The following DNAJB6 variants were observed in gnomAD, a reference collection of about 807,000 sequenced individuals.
The protein encoded by DNAJB6 is DnaJ heat shock protein family (Hsp40) member B6, also known as dnaJ homolog subfamily B member 6.
Under a neutral mutation model 42.7 loss-of-function variants are expected in DNAJB6, and 16 were observed. The observed-to-expected ratio is 0.37, with a 90% CI of 0.25 to 0.57. The LOEUF is 0.57. Ranked by LOEUF, DNAJB6 falls within the 20% of genes least tolerant of loss-of-function variation. DNAJB6 has a pLI of 0.74. For synonymous variants in DNAJB6, 170 were observed against 163.5 expected (o/e 1.04, Z -0.30); for missense variants, 347 against 416.8 (o/e 0.83, Z 1.46).
intron 9 of DNAJB6, chr7:157,411,906 G>A (rs984262113): frequency 1.3e-5 from 2 of 152,236 alleles, no homozygotes; most frequent in Non-Finnish European, 2.9e-5. Flanking sequence ...TCTGAGTGGG[G>A]AGAACTGGTT....
chr7:157,402,569 C>T (rs1795573863), intron 8 of DNAJB6, among the ~76,000 whole-genome samples: 1 of 152,254 alleles, frequency 6.6e-6, no homozygotes, highest in South Asian at 2.1e-4. Context: ...CCAGGCTGGC[C>T]AGACCACTCA....
At chr7:157,390,461 C>G (rs1801287072) in intron 8 of DNAJB6, among the ~76,000 whole-genome samples, 1 of 152,224 alleles carries the variant, frequency 6.6e-6, no homozygotes, top group South Asian at 2.1e-4. Context: ...TCCTCTTCCC[C>G]CTAGCTGGTT....
chr7:157,414,318 C>T (rs370281318), intron 9 of DNAJB6: 3 of 152,168 alleles, frequency 2.0e-5, no homozygotes, highest in East Asian at 3.9e-4. Context: ...GGGCACGAGG[C>T]TCCTCTGAGG....
At chr7:157,391,686 T>C (rs1252547450) in intron 8 of DNAJB6, among the ~76,000 whole-genome samples, 1 of 152,250 alleles carries the variant, frequency 6.6e-6, no homozygotes, top group East Asian at 1.9e-4. Flanking sequence ...TGGCAAAATA[T>C]TGATGTCCTT....
intron 3 of DNAJB6, among the ~76,000 whole-genome samples, chr7:157,365,206 G>A (rs554071409): frequency 1.3e-5 from 2 of 152,238 alleles, no homozygotes; most frequent in South Asian, 4.1e-4. Flanking sequence ...CACCTTCCTT[G>A]CCCACGCAAA....
At chr7:157,355,638 TG>T (rs150945088) in intron 1 of DNAJB6, among the ~76,000 whole-genome samples, 195 of 152,248 alleles carry the variant, frequency 1.3e-3, no homozygotes, top group African/African-American at 4.4e-3. Context: ...GCAGCAGGAC[TG>T]GGGGATGAGT....
In DNAJB6 at chr7:157,374,422, G is replaced by A. The variant is rs562010300; in HGVS notation, c.346+6939G>A. Among the ~76,000 whole-genome samples, 84 of 152,232 alleles carry A rather than the reference G, an allele frequency of 5.5e-4. 2 individuals carry two copies. The South Asian group carries it at 0.017, about 31-fold the overall frequency. ...TTACAGACATGTGCCACCGCGCCCG[G>A]CTAATTTTGTATTTTTATGAGAGAC... On this transcript the variant is annotated intron_variant, in intron 5 of 9. Transcript: ENST00000262177.
intron 5 of DNAJB6, among the ~76,000 whole-genome samples, chr7:157,368,045 C>A (rs1482904733): frequency 2.0e-5 from 3 of 152,068 alleles, no homozygotes; most frequent in Non-Finnish European, 4.4e-5. Context: ...GGGAGGATTT[C>A]CTTGAGCCTG....
chr7:157,401,319 A>G (rs1235872478), intron 8 of DNAJB6, among the ~76,000 whole-genome samples: 1 of 152,074 alleles, frequency 6.6e-6, no homozygotes, highest in African/African-American at 2.4e-5. Context: ...CCTGGGTTCA[A>G]GCAACTCTGC....
At chr7:157,412,915 A>T (rs1241322532) in intron 9 of DNAJB6, 1 of 152,228 alleles carries the variant, frequency 6.6e-6, no homozygotes, top group Non-Finnish European at 1.5e-5. Context: ...ACCCCTCAAA[A>T]TACTGAACGT....
At chr7:157,383,473 C>CA (rs1351105953) in intron 6 of DNAJB6, among the ~76,000 whole-genome samples, 2 of 152,186 alleles carry the variant, frequency 1.3e-5, no homozygotes, top group Non-Finnish European at 2.9e-5. Flanking sequence ...GATTGGACCT[C>CA]AGTTTTGATG....
intron 5 of DNAJB6, among the ~76,000 whole-genome samples, chr7:157,367,975 A>G (rs1004246997): frequency 1.3e-5 from 2 of 151,642 alleles, no homozygotes; most frequent in African/African-American, 4.8e-5. Context: ...AAAAAATACT[A>G]AAAATTAGCT....
chr7:157,340,474 GATGTAGGA>G (rs143740126), intron 1 of DNAJB6, among the ~76,000 whole-genome samples: 1,679 of 152,034 alleles, frequency 0.011, 30 homozygotes, highest in East Asian at 0.06. Context: ...TAGAAACGAT[GATGTAGGA>G]ATGGAAAAAC....
chr7:157,352,009 A>G (rs1175536432), intron 1 of DNAJB6, among the ~76,000 whole-genome samples: 2 of 152,078 alleles, frequency 1.3e-5, no homozygotes, highest in Non-Finnish European at 2.9e-5. Flanking sequence ...AAACAAACAA[A>G]CAAACAAACA....
intron 1 of DNAJB6, among the ~76,000 whole-genome samples, chr7:157,352,562 C>T (rs1186020672): frequency 6.6e-6 from 1 of 152,044 alleles, no homozygotes; most frequent in Admixed American, 6.6e-5. Flanking sequence ...TGTGGCATCT[C>T]TGCAGATGAG....
rs1463710906 is a variant in DNAJB6 at position 157,344,444 on chromosome 7, T to G, written c.-27+7300T>G. On this transcript the variant is annotated intron_variant, in intron 1 of 9. Coordinates refer to ENST00000262177, the MANE Select transcript of DNAJB6 (RefSeq NM_058246.4). ...AGGAGAATCGCTGGAACCAGGGAGG[T>G]GGAGGTTGCAGTGAGCTGAGATTGT... Among the ~76,000 whole-genome samples, 26 of 149,822 alleles carry G rather than the reference T, an allele frequency of 1.7e-4. 1 individual carries two copies. The highest frequency in any genetic ancestry group is 6.2e-4 in the African/African-American group (25 of 40,568).
Position 157,410,008 on chromosome 7 carries a change from A to G in DNAJB6, c.898+7A>G. On this transcript the variant is annotated splice_region_variant and intron_variant, in intron 9 of 9. Transcript: ENST00000262177. Reference sequence around the variant, plus strand: ...CCCCTCGCGTCCGCAGCAGGTGTGCAAAGGGAGGCAGCCGTGGAGCAGGCG... The same window carrying G: ...CCCCTCGCGTCCGCAGCAGGTGTGCGAAGGGAGGCAGCCGTGGAGCAGGCG... The G allele has an allele frequency of 6.6e-7, 1 of 1,523,596 alleles. No individual in the cohort carries two copies. The highest frequency in any genetic ancestry group is 8.8e-7 in the Non-Finnish European group (1 of 1,137,904). The allele number at this position is 1,523,596 out of a possible 1,614,324, so 94.4% of individuals were successfully genotyped here. A position where few individuals can be genotyped will look rare whatever the true frequency, so the allele number is the denominator to read the frequency against.
intron 1 of DNAJB6, among the ~76,000 whole-genome samples, chr7:157,342,954 T>G (rs1798486183): frequency 6.6e-6 from 1 of 152,042 alleles, no homozygotes; most frequent in African/African-American, 2.4e-5. Context: ...CTGTGGGTTT[T>G]TTTTTTTCCT....
intron 3 of DNAJB6, among the ~76,000 whole-genome samples, chr7:157,365,228 A>G (rs1329504609): frequency 6.6e-6 from 1 of 152,256 alleles, no homozygotes; most frequent in Non-Finnish European, 1.5e-5. Flanking sequence ...TGTTGGGATT[A>G]TAGGCGTTAG....
Sources: gnomAD v4.1 joint callset for allele counts (sites outside exome capture counted in the v4.1 genomes callset) on GRCh38, gnomAD v4.1.1 for gene constraint, MANE v1.5 for transcripts, NCBI Gene and HGNC (gene_info 2026-07-23, HGNC 2026-07-21) for gene names.